The following BORCS5 variants were observed in gnomAD, a reference collection of about 807,000 sequenced individuals.
BORCS5 encodes BLOC-1-related complex subunit 5.
A neutral mutation model predicts 22.1 loss-of-function variants in BORCS5; 17 were observed. The observed-to-expected ratio is 0.77, with a 90% CI of 0.53 to 1.15. The LOEUF (loss-of-function observed/expected upper bound fraction) is 1.15, where lower values mean the gene tolerates loss of function less well. Among genes scored for constraint, BORCS5 ranks in the 50% most tolerant of loss-of-function variants. The pLI is 0.00. For synonymous variants in BORCS5, 117 were observed against 99.8 expected, an observed-to-expected ratio of 1.17 and a Z score of -1.03; for missense variants, 247 against 253.2, an observed-to-expected ratio of 0.98 and a Z score of 0.17.
At position 12,357,366 on chromosome 12, in the gene BORCS5, C is replaced by T; in HGVS notation, c.-86C>T. 6.5e-6 allele frequency: 10 copies of T among 1,531,718 alleles called. No individual in the cohort carries two copies. The highest frequency in any genetic ancestry group is 8.8e-6 in the Non-Finnish European group (10 of 1,134,036). 94.9% of individuals were successfully genotyped at this position (1,531,718 alleles called of 1,614,324 possible). On this transcript the variant is annotated 5_prime_UTR_variant, in exon 1 of 4. Coordinates refer to ENST00000314565, the MANE Select transcript of BORCS5 (RefSeq NM_058169.6). ...CAGACTCTGCTTTGCCTCCCCGTCC[C>T]GGTCCCTGGCCCCTGCCCTGTCGCC...
rs1000587810 is a variant in BORCS5, at chr12:12,357,172, T to A, written c.-280T>A. On this transcript the variant is annotated 5_prime_UTR_variant, in exon 1 of 4. Coordinates refer to ENST00000314565, the MANE Select transcript of BORCS5 (RefSeq NM_058169.6). ...CGCAGGTGCGGCAAAGCCAGTGTCATCTGCCGGTTCTCTTAGGGCTCCCGG... is the reference window on the plus strand; with the variant it reads ...CGCAGGTGCGGCAAAGCCAGTGTCAACTGCCGGTTCTCTTAGGGCTCCCGG... 5 of 1,527,402 alleles carry A rather than the reference T, an allele frequency of 3.3e-6. No individual in the cohort carries two copies. In the African/African-American group the frequency reaches 6.9e-5, roughly 21 times the overall value. 94.6% of individuals were successfully genotyped at this position (1,527,402 alleles called of 1,614,324 possible).
chr12:12,378,146 C>G (rs1337459885), intron 2 of BORCS5, among the ~76,000 whole-genome samples: 2 of 152,136 alleles, frequency 1.3e-5, no homozygotes, highest in African/African-American at 4.8e-5. Context: ...CCTAGGCGGG[C>G]AGATCACCTC....
intron 2 of BORCS5, among the ~76,000 whole-genome samples, chr12:12,431,524 C>T (rs1348494364): frequency 6.6e-6 from 1 of 151,222 alleles, no homozygotes; most frequent in African/African-American, 2.4e-5. Context: ...GCCTCAGCCT[C>T]CTGAGTAGCT....
At chr12:12,429,879 T>G (rs2136117309) in intron 2 of BORCS5, among the ~76,000 whole-genome samples, 1 of 152,252 alleles carries the variant, frequency 6.6e-6, no homozygotes, top group South Asian at 2.1e-4. Flanking sequence ...CTCATGCACC[T>G]TAGAAGAGCA....
At chr12:12,433,470 C>A (rs1286408870) in intron 2 of BORCS5, among the ~76,000 whole-genome samples, 1 of 151,914 alleles carries the variant, frequency 6.6e-6, no homozygotes, top group Non-Finnish European at 1.5e-5. Context: ...GAGATACCAT[C>A]TCTAAACCAA....
intron 2 of BORCS5, among the ~76,000 whole-genome samples, chr12:12,397,519 A>T (rs1007351872): frequency 6.6e-6 from 1 of 152,200 alleles, no homozygotes; most frequent in Non-Finnish European, 1.5e-5. Flanking sequence ...AGAGCTAGGG[A>T]ATAATATCAT....
chr12:12,394,043 C>T (rs1010320216), intron 2 of BORCS5, among the ~76,000 whole-genome samples: 2 of 151,746 alleles, frequency 1.3e-5, no homozygotes, highest in Admixed American at 6.6e-5. Flanking sequence ...CAATAGCCCT[C>T]GGCCGGGTGC....
At chr12:12,438,876 A>AT (rs1942622094) in intron 3 of BORCS5, among the ~76,000 whole-genome samples, 1 of 152,214 alleles carries the variant, frequency 6.6e-6, no homozygotes, top group Non-Finnish European at 1.5e-5. Flanking sequence ...ATTTGAATTA[A>AT]TTTTAGACTT....
At chr12:12,403,917 G>C (rs1022813372) in intron 2 of BORCS5, among the ~76,000 whole-genome samples, 1 of 152,174 alleles carries the variant, frequency 6.6e-6, no homozygotes, top group Non-Finnish European at 1.5e-5. Context: ...TAGAGGAAAG[G>C]AACAAAGTTT....
chr12:12,395,657 G>T (rs1429268914), intron 2 of BORCS5, among the ~76,000 whole-genome samples: 1 of 151,914 alleles, frequency 6.6e-6, no homozygotes. Context: ...TGAAGTTGAT[G>T]CCATAAGAAC....
intron 3 of BORCS5, among the ~76,000 whole-genome samples, chr12:12,447,315 C>T (rs373657622): frequency 2.0e-5 from 3 of 152,230 alleles, no homozygotes; most frequent in African/African-American, 7.2e-5. Context: ...CCATCAGCAA[C>T]CGCCAACATC....
At position 12,414,258 on chromosome 12, in the gene BORCS5, C is replaced by A. The variant is rs1941845690; in HGVS notation, c.203-21370C>A. ...CGGGGCGGCTGGCCGGGCAGAGGGG[C>A]TCCTCACTTCCCAGTAGGGGCGGCC... On this transcript the variant is annotated intron_variant, in intron 2 of 3. Transcript: ENST00000314565. Among the ~76,000 whole-genome samples the A allele has an allele frequency of 1.0e-4, 6 of 58,456 alleles. No individual in the cohort carries two copies. In the South Asian group the frequency reaches 2.9e-3, roughly 28 times the overall value. 38.3% of individuals were successfully genotyped at this position (58,456 alleles called of 152,430 possible).
chr12:12,438,866 A>G (rs1942622001), intron 3 of BORCS5, among the ~76,000 whole-genome samples: 1 of 152,218 alleles, frequency 6.6e-6, no homozygotes, highest in Non-Finnish European at 1.5e-5. Flanking sequence ...TAACTTTTAA[A>G]TTTGAATTAA....
chr12:12,425,790 A>G (rs567835695), intron 2 of BORCS5, among the ~76,000 whole-genome samples: 4 of 152,218 alleles, frequency 2.6e-5, no homozygotes, highest in Non-Finnish European at 4.4e-5. Flanking sequence ...TTTCTTTGCT[A>G]TTTCCTACAG....
chr12:12,425,837 A>G (rs1474126928), intron 2 of BORCS5, among the ~76,000 whole-genome samples: 1 of 152,174 alleles, frequency 6.6e-6, no homozygotes, highest in Non-Finnish European at 1.5e-5. Flanking sequence ...GTAAACACTT[A>G]TAGTGGTAGG....
At chr12:12,412,908 T>C (rs1466770681) in intron 2 of BORCS5, among the ~76,000 whole-genome samples, 12 of 138,492 alleles carry the variant, frequency 8.7e-5, no homozygotes, top group Non-Finnish European at 1.2e-4. Context: ...TTCTTTTTTT[T>C]TTTTTTTTTT....
intron 3 of BORCS5, among the ~76,000 whole-genome samples, chr12:12,451,502 C>T (rs1189733074): frequency 1.3e-5 from 2 of 150,508 alleles, no homozygotes; most frequent in East Asian, 1.9e-4. Flanking sequence ...AGAGGCATGC[C>T]GTAGGTAGGC....
intron 2 of BORCS5, among the ~76,000 whole-genome samples, chr12:12,388,654 A>G (rs1863933039): frequency 6.8e-6 from 1 of 148,130 alleles, no homozygotes; most frequent in Non-Finnish European, 1.5e-5. Context: ...CAGACTCTTA[A>G]GTGGGGTGGG....
intron 2 of BORCS5, among the ~76,000 whole-genome samples, chr12:12,423,237 C>T (rs1287274889): frequency 2.6e-5 from 4 of 152,076 alleles, no homozygotes; most frequent in East Asian, 1.9e-4. Flanking sequence ...CTCCTGACCT[C>T]GTGATCCACC....
Sources: gnomAD v4.1 joint callset for allele counts (sites outside exome capture counted in the v4.1 genomes callset) on GRCh38, gnomAD v4.1.1 for gene constraint, MANE v1.5 for transcripts, NCBI Gene and HGNC (gene_info 2026-07-23, HGNC 2026-07-21) for gene names.